Variants in CDHR1 observed in about 807,000 individuals in gnomAD.
CDHR1 encodes cadherin related family member 1.
A neutral mutation model predicts 72.1 loss-of-function variants in CDHR1; 61 were observed. That is an observed-to-expected ratio of 0.85 (90% CI 0.69 to 1.05). The LOEUF (loss-of-function observed/expected upper bound fraction) is 1.05, where lower values mean the gene tolerates loss of function less well. CDHR1 is among the 50% of genes least tolerant of loss of function. The pLI is 0.00. For missense variants in CDHR1, 1,186 were observed against 1,115.7 expected (o/e 1.06, Z -0.90); for synonymous variants, 470 against 448.1 (o/e 1.05, Z -0.62).
Position 84,212,398 on chromosome 10 carries a change from G to A in CDHR1, c.1773G>A (p.Val591=). The change falls in exon 15 of 17, where the codon GTG becomes GTA. Residue 591 remains valine, a synonymous_variant. Transcript: ENST00000623527. ...QKKTMVLGTP[V]KIEAIDEDAE... ...AGACGATGGTGCTAGGGACCCCAGT[G>A]AAAATTGAGGTAAGTTTTGGAGGCA... 6.2e-7 allele frequency: 1 copy of A among 1,614,082 alleles called. No homozygotes were observed. The highest frequency in any genetic ancestry group is 2.2e-5 in the East Asian group (1 of 44,886).
chr10:84,199,364 C>T (rs1842083713), intron 5 of CDHR1, among the ~76,000 whole-genome samples: 1 of 152,240 alleles, frequency 6.6e-6, no homozygotes, highest in South Asian at 2.1e-4. Flanking sequence ...TTCAAAATCA[C>T]CCTCGCTGTC....
intron 3 of CDHR1, 123 bp downstream of exon 3, chr10:84,196,773 C>A: frequency 9.0e-7 from 1 of 1,115,216 alleles, no homozygotes; most frequent in Non-Finnish European, 1.4e-6. Flanking sequence ...GGGGGCACAC[C>A]CCAGGCACAT....
At chr10:84,207,298 C>G (rs1016262117) in intron 10 of CDHR1, among the ~76,000 whole-genome samples, 5 of 151,956 alleles carry the variant, frequency 3.3e-5, no homozygotes, top group Non-Finnish European at 2.9e-5. Flanking sequence ...CAGGAGGGAT[C>G]AGAGAGGTTG....
intron 7 of CDHR1, 123 bp from the exon 8 acceptor site, chr10:84,202,857 G>A: frequency 1.9e-6 from 2 of 1,073,050 alleles, no homozygotes; most frequent in Admixed American, 3.9e-5. Flanking sequence ...GAAGCAAACA[G>A]AAACTTGGAG....
rs772819749 is a variant in CDHR1 at position 84,217,929 on chromosome 10, C to G, written c.*3308C>G. 1 of 985,326 alleles carries G rather than the reference C, an allele frequency of 1.0e-6. No homozygotes were observed. The highest frequency in any genetic ancestry group is 1.2e-6 in the Non-Finnish European group (1 of 829,954). The allele number at this position is 985,326 out of a possible 1,614,324, so 61.0% of individuals were successfully genotyped here. Reference sequence around the variant, plus strand: ...GGCACTCTGTCCTCAAGCAGCTGTCCCTCAGAATCCTGCTAGAAAAGTGTG... The same window carrying G: ...GGCACTCTGTCCTCAAGCAGCTGTCGCTCAGAATCCTGCTAGAAAAGTGTG... On this transcript the variant is annotated 3_prime_UTR_variant, in exon 17 of 17. Transcript: ENST00000623527.
intron 10 of CDHR1, among the ~76,000 whole-genome samples, chr10:84,207,125 T>A (rs1589302593): frequency 6.6e-6 from 1 of 152,068 alleles, no homozygotes; most frequent in South Asian, 2.1e-4. Context: ...GGTTTGGAAT[T>A]GTGGGAGAGA....
rs2132784830 is a variant in CDHR1 at position 84,195,515 on chromosome 10, ACTT to A, written c.82_84del (p.Phe28del). 5.6e-6 allele frequency: 9 copies of A among 1,614,032 alleles called. No individual in the cohort carries two copies. Among genetic ancestry groups the A allele is most frequent in the Non-Finnish European group, 7.6e-6 (9 of 1,179,972 alleles). On this transcript the variant is annotated inframe_deletion, in exon 2 of 17. Coordinates refer to ENST00000623527, the MANE Select transcript of CDHR1 (RefSeq NM_033100.4). ...CCAGCTCAGGCCAACTTCGCCCCGCACTTCTTCGACAACGGGGTCGGCAGCACC... is the reference window on the plus strand; with the variant it reads ...CCAGCTCAGGCCAACTTCGCCCCGCACTTCGACAACGGGGTCGGCAGCACC...
chr10:84,200,742 A>G, intron 6 of CDHR1, 55 bp downstream of exon 6: 9 of 1,260,432 alleles, frequency 7.1e-6, no homozygotes, highest in Non-Finnish European at 1.0e-5. Context: ...GGACACCTAG[A>G]TGGCCCCTAC....
chr10:84,202,884 C>T, intron 7 of CDHR1, 96 bp from the exon 8 acceptor site: 3 of 1,394,892 alleles, frequency 2.2e-6, no homozygotes, highest in Non-Finnish European at 3.0e-6. Flanking sequence ...GCTGGCCTCA[C>T]AGCCATAGGT....
chr10:84,201,809 C>T lies in CDHR1; in HGVS notation c.528C>T (p.Asn176=). The T allele has an allele frequency of 6.2e-7, 1 of 1,609,934 alleles. No individual in the cohort carries two copies. Among genetic ancestry groups the T allele is most frequent in the Non-Finnish European group, 8.5e-7 (1 of 1,179,746 alleles). ...SGGSVTYFLQ[N]LHSPFAVDRH... ...CAGCTGCCCCCTAATTCTTATAGAA[C>T]CTGCACTCCCCATTTGCCGTGGACC... The change falls in exon 7 of 17, where the codon AAC becomes AAT. Residue 176 remains asparagine, a splice_region_variant and synonymous_variant. Coordinates refer to ENST00000623527, the MANE Select transcript of CDHR1 (RefSeq NM_033100.4).
At chr10:84,197,725 C>A in intron 3 of CDHR1, 61 bp from the exon 4 acceptor site, 1 of 1,501,844 alleles carries the variant, frequency 6.7e-7, no homozygotes, top group Non-Finnish European at 9.3e-7. Flanking sequence ...CTCCATCCAG[C>A]CACAGGGGTC....
rs1381536983 is a variant in CDHR1 at position 84,196,570 on chromosome 10, T to C, written c.217T>C (p.Phe73Leu). The C allele has an allele frequency of 6.2e-7, 1 of 1,614,078 alleles. No individual in the cohort carries two copies. Among genetic ancestry groups the C allele is most frequent in the Non-Finnish European group, 8.5e-7 (1 of 1,180,048 alleles). ...EGDPISYHIS[F>L]DPSTRSVFSV... ...AGACCCCATCTCCTACCACATCAGC[T>C]TTGACCCCAGCACTAGAAGCGTCTT... The change falls in exon 3 of 17, where the codon TTT becomes CTT. Residue 73 changes from phenylalanine to leucine, a missense_variant. Transcript: ENST00000623527.
At chr10:84,196,088 C>T (rs1374213359) in intron 2 of CDHR1, among the ~76,000 whole-genome samples, 3 of 152,204 alleles carry the variant, frequency 2.0e-5, no homozygotes, top group African/African-American at 7.2e-5. Context: ...GCATCGGGGA[C>T]AGTGGTGCAC....
In CDHR1 at chr10:84,195,417, G is replaced by C. The variant is rs1031117098; in HGVS notation, c.56-77G>C. The C allele has an allele frequency of 6.7e-6, 9 of 1,348,794 alleles. No individual in the cohort carries two copies. The African/African-American group carries it at 7.3e-5, about 11-fold the overall frequency. 83.6% of individuals were successfully genotyped at this position (1,348,794 alleles called of 1,614,324 possible). On this transcript the variant is annotated intron_variant, in intron 1 of 16. Transcript: ENST00000623527. ...CAGTAGCTGGGCCTGACGCGGGACC[G>C]CGCTGGTGCGAAGCTCCCTCCTGGT...
rs1842407814 is a variant in CDHR1, at chr10:84,215,208, C to T, written c.*587C>T. 1 of 994,766 alleles carries T rather than the reference C, an allele frequency of 1.0e-6. No individual in the cohort carries two copies. The highest frequency in any genetic ancestry group is 1.2e-6 in the Non-Finnish European group (1 of 835,314). The allele number at this position is 994,766 out of a possible 1,614,324, so 61.6% of individuals were successfully genotyped here. On this transcript the variant is annotated 3_prime_UTR_variant, in exon 17 of 17. Transcript: ENST00000623527. ...CTGACTGTGGGACTGTGCCAGGATG[C>T]ATTTGGAAAGATAGAGCATTCTGTC...
chr10:84,211,142 G>T lies in CDHR1; in HGVS notation c.1462G>T (p.Gly488Cys). The T allele has an allele frequency of 6.2e-7, 1 of 1,614,236 alleles. No homozygotes were observed. Among genetic ancestry groups the T allele is most frequent in the Non-Finnish European group, 8.5e-7 (1 of 1,180,044 alleles). ...CAGGATTCCTGAGAACGCCCCAGGG[G>T]GCTCCAGCGTGGTGGCTGTCACAGT... ...VARIPENAPG[G>C]SSVVAVTAVD... Residue 488 changes from glycine (G) to cysteine (C), a missense_variant, in exon 13 of 17, where the codon GGC (glycine) becomes TGC (cysteine). Physicochemically the swap from Gly to Cys is radical, Grantham distance 159. Transcript: ENST00000623527.
intron 12 of CDHR1, among the ~76,000 whole-genome samples, chr10:84,209,679 T>G (rs1842294244): frequency 6.7e-6 from 1 of 148,934 alleles, no homozygotes; most frequent in African/African-American, 2.4e-5. Flanking sequence ...CTCAGCAAAA[T>G]TGCCAACATG....
Position 84,218,159 on chromosome 10 carries a change from A to C in CDHR1, c.*3538A>C. 2 of 985,494 alleles carry C rather than the reference A, an allele frequency of 2.0e-6. No individual in the cohort carries two copies. The highest frequency in any genetic ancestry group is 2.4e-6 in the Non-Finnish European group (2 of 829,960). 61.0% of individuals were successfully genotyped at this position (985,494 alleles called of 1,614,324 possible). ...AGAGGGAGAATGGAGAAGATGCCACATGAGGAATGAGGCAGGAGACTGGCA... is the reference window on the plus strand; with the variant it reads ...AGAGGGAGAATGGAGAAGATGCCACCTGAGGAATGAGGCAGGAGACTGGCA... On this transcript the variant is annotated 3_prime_UTR_variant, in exon 17 of 17. Coordinates refer to ENST00000623527, the MANE Select transcript of CDHR1 (RefSeq NM_033100.4).
At chr10:84,196,681 C>T (rs750582572) in intron 3 of CDHR1, 31 bp downstream of exon 3, 1 of 1,613,518 alleles carries the variant, frequency 6.2e-7, no homozygotes, top group Non-Finnish European at 8.5e-7. Context: ...TGCTGCGGGG[C>T]CACTGCCTGT....
Sources: allele counts gnomAD v4.1 joint callset (sites outside exome capture counted in the v4.1 genomes callset), GRCh38; gene constraint gnomAD v4.1.1; transcripts MANE v1.5; gene names NCBI Gene and HGNC (gene_info 2026-07-23, HGNC 2026-07-21).